Variants in ZBTB38 observed in about 807,000 individuals in gnomAD.
ZBTB38 encodes zinc finger and BTB domain containing 38.
A neutral mutation model predicts 76.8 loss-of-function variants in ZBTB38; 20 were observed. That is an observed-to-expected ratio of 0.26 (90% confidence interval 0.18 to 0.38). The LOEUF is 0.38. Among genes scored for constraint, ZBTB38 ranks in the 10% least tolerant of loss-of-function variants. ZBTB38 has a pLI of 1.00. For missense variants in ZBTB38, 1,082 were observed against 1,482.3 expected (o/e 0.73, Z 4.43); for synonymous variants, 504 against 544.2 (o/e 0.93, Z 1.03).
At chr3:141,364,475 C>T (rs1943903517), upstream of ZBTB38, among the ~76,000 whole-genome samples, 1 of 151,486 alleles carries the variant, frequency 6.6e-6, no homozygotes, top group Admixed American at 6.6e-5. Context: ...GTCGGGAGTT[C>T]AAGACCAGCC....
intron 5 of ZBTB38, among the ~76,000 whole-genome samples, chr3:141,408,096 A>G (rs998685784): frequency 6.6e-6 from 1 of 152,262 alleles, no homozygotes; most frequent in Non-Finnish European, 1.5e-5. Flanking sequence ...TGACAACACT[A>G]CAGTCATGCC....
rs17787670 is a variant in ZBTB38, at chr3:141,444,232, C to T, written c.1844C>T (p.Thr615Met). 7.7e-3 allele frequency: 12,384 copies of T among 1,614,184 alleles called. 69 individuals are homozygous for T. Among genetic ancestry groups the T allele is most frequent in the Middle Eastern group, 0.02 (120 of 6,062 alleles). ...VQNPHSSELP[T>M]LNFQDTVNTL... is the part of the protein sequence containing the mutation. The stretch of plus-strand genomic sequence containing the variant: ...AATCCACACAGCTCTGAATTACCAA[C>T]GCTGAATTTCCAAGATACTGTAAAC... The change falls in exon 6 of 6, where the codon ACG becomes ATG. Residue 615 changes from threonine (T) to methionine (M), a missense_variant. By Grantham distance (81) the Thr-to-Met change is moderately conservative. Around this residue, in one of 8 missense-constraint regions of ZBTB38, gnomAD observed 471 missense variants for 581.0 expected, o/e 0.81. Coordinates refer to ENST00000321464, the MANE Select transcript of ZBTB38 (RefSeq NM_001376113.1). This position sits in a 1 kb window ranked among gnomAD's most constrained non-coding sequence, Gnocchi z 5.1.
intron 5 of ZBTB38, among the ~76,000 whole-genome samples, chr3:141,408,405 G>GCCA (rs1955405241): frequency 6.6e-6 from 1 of 152,176 alleles, no homozygotes; most frequent in Non-Finnish European, 1.5e-5. Context: ...AAATTAGCCA[G>GCCA]GCATGGTGGC....
intron 4 of ZBTB38, chr3:141,394,060 G>A (rs1467615767): frequency 6.6e-6 from 1 of 151,104 alleles, no homozygotes; most frequent in Non-Finnish European, 1.5e-5. Flanking sequence ...TGCCAGGCTG[G>A]AGTGCAGTGA....
intron 5 of ZBTB38, chr3:141,426,126 C>T (rs1445724789): frequency 3.9e-6 from 5 of 1,289,102 alleles, no homozygotes; most frequent in Non-Finnish European, 1.0e-6. Context: ...AGTTCTCAGA[C>T]AGGCTGCCCA....
At chr3:141,334,560 G>A (rs1942960353) in intron 1 of ZBTB38, among the ~76,000 whole-genome samples, 1 of 149,224 alleles carries the variant, frequency 6.7e-6, no homozygotes, top group South Asian at 2.1e-4. Context: ...ATTGCCTTAG[G>A]TTAGCTGTAC....
intron 1 of ZBTB38, among the ~76,000 whole-genome samples, chr3:141,338,578 G>T (rs1943081238): frequency 6.6e-6 from 1 of 152,210 alleles, no homozygotes; most frequent in South Asian, 2.1e-4. Flanking sequence ...TCACTTAGAA[G>T]TGGGAGCTAA....
intron 5 of ZBTB38, among the ~76,000 whole-genome samples, chr3:141,421,440 C>A (rs1399442689): frequency 6.6e-6 from 1 of 152,054 alleles, no homozygotes; most frequent in African/African-American, 2.4e-5. Context: ...AGTCTAGAAA[C>A]TTCTTTTGGT....
intron 5 of ZBTB38, among the ~76,000 whole-genome samples, chr3:141,439,941 A>G (rs1011140976): frequency 1.3e-5 from 2 of 152,212 alleles, no homozygotes; most frequent in African/African-American, 4.8e-5. Flanking sequence ...AAACATCAGC[A>G]AAGTATGCTA....
intron 1 of ZBTB38, among the ~76,000 whole-genome samples, chr3:141,338,663 G>C (rs1230837755): frequency 1.3e-5 from 2 of 152,182 alleles, no homozygotes; most frequent in African/African-American, 4.8e-5. Flanking sequence ...GGTAGGAGAA[G>C]GGTGAGGGTC....
chr3:141,370,477 GGGTTT>G (rs1944384700), intron 2 of ZBTB38, among the ~76,000 whole-genome samples: 1 of 152,220 alleles, frequency 6.6e-6, no homozygotes, highest in African/African-American at 2.4e-5. Context: ...AGCTCTGGAG[GGGTTT>G]CTGAAGAAGA....
chr3:141,362,824 A>T (rs760845889), intron 1 of ZBTB38, among the ~76,000 whole-genome samples: 1 of 152,156 alleles, frequency 6.6e-6, no homozygotes, highest in Admixed American at 6.6e-5. Context: ...AAATGCAAGT[A>T]TTAATATGAG....
At chr3:141,335,662 C>T (rs1013650697) in intron 1 of ZBTB38, among the ~76,000 whole-genome samples, 6 of 152,240 alleles carry the variant, frequency 3.9e-5, no homozygotes, top group African/African-American at 1.4e-4. Flanking sequence ...TCATTCCCCA[C>T]AACAGGGCCC....
chr3:141,344,110 G>C (rs1157986638), intron 1 of ZBTB38, among the ~76,000 whole-genome samples: 9 of 152,158 alleles, frequency 5.9e-5, no homozygotes, highest in Admixed American at 5.9e-4. Flanking sequence ...GTCCACTTTG[G>C]CTATGTTTTA....
chr3:141,423,782 C>CAAA lies in ZBTB38; in HGVS notation c.1-18607_1-18606insAAA, dbSNP rs1169833957. ...TATTTTTTACTGAACAAAATACAAACTAATGAATCCACTAAACTGAGACTT... is the reference window on the plus strand; with the variant it reads ...TATTTTTTACTGAACAAAATACAAACAAATAATGAATCCACTAAACTGAGACTT... On this transcript the variant is annotated intron_variant, in intron 5 of 5. Transcript: ENST00000321464. Among the ~76,000 whole-genome samples the CAAA allele has an allele frequency of 2.0e-5, 3 of 152,146 alleles. No individual in the cohort carries two copies. In the East Asian group the frequency reaches 5.8e-4, roughly 29 times the overall value.
chr3:141,420,922 G>C lies in ZBTB38; in HGVS notation c.-1+16891G>C, dbSNP rs993712599. 2.0e-5 allele frequency among the ~76,000 whole-genome samples: 3 copies of C among 151,354 alleles called. No homozygotes were observed. The East Asian group carries it at 5.8e-4, about 29-fold the overall frequency. The stretch of plus-strand genomic sequence containing the variant: ...ATTAAGTTTAACCAGAATAAATAAG[G>C]GAAATTTTGAGTTTCAGTTAAAAAA... On this transcript the variant is annotated intron_variant, in intron 5 of 5. Transcript: ENST00000321464.
chr3:141,347,259 TG>T (rs1943390263), intron 1 of ZBTB38, among the ~76,000 whole-genome samples: 2 of 152,072 alleles, frequency 1.3e-5, no homozygotes, highest in African/African-American at 4.8e-5. Context: ...TCAAAGGTGG[TG>T]GGGTGATGTG....
intron 5 of ZBTB38, among the ~76,000 whole-genome samples, chr3:141,414,384 C>T (rs1212250470): frequency 2.6e-5 from 4 of 152,194 alleles, no homozygotes; most frequent in South Asian, 2.1e-4. Flanking sequence ...TCCTGCAGAG[C>T]GTTGGGCTTG....
chr3:141,326,164 A>G (rs1441054439), intron 1 of ZBTB38, among the ~76,000 whole-genome samples: 2 of 152,262 alleles, frequency 1.3e-5, no homozygotes, highest in East Asian at 1.9e-4. Context: ...AAGTAATTCT[A>G]TGAGATAGAG....
Sources: gnomAD v4.1 joint callset for allele counts (sites outside exome capture counted in the v4.1 genomes callset) on GRCh38, gnomAD v4.1.1 for gene constraint, gnomAD v4.1.1 regional missense constraint, Gnocchi (gnomAD v3.1) non-coding constraint, MANE v1.5 for transcripts, NCBI Gene and HGNC (gene_info 2026-07-23, HGNC 2026-07-21) for gene names.